Variants in ADCYAP1R1 observed in about 807,000 individuals in gnomAD.
ADCYAP1R1 encodes the protein pituitary adenylate cyclase-activating polypeptide type I receptor.
In ADCYAP1R1, 44 loss-of-function variants were observed where a neutral mutation model predicts 67.6. That is an observed-to-expected ratio of 0.65 (90% CI 0.51 to 0.84). The LOEUF (loss-of-function observed/expected upper bound fraction) is 0.84, where lower values mean the gene tolerates loss of function less well. ADCYAP1R1 is among the 40% of genes least tolerant of loss of function. ADCYAP1R1 has a pLI of 0.00. For synonymous variants in ADCYAP1R1, 222 were observed against 219.6 expected (o/e 1.01, Z -0.10); for missense variants, 477 against 587.9 (o/e 0.81, Z 1.95).
chr7:31,077,487 G>C (rs1795303158), intron 3 of ADCYAP1R1, among the ~76,000 whole-genome samples: 2 of 148,846 alleles, frequency 1.3e-5, no homozygotes, highest in Non-Finnish European at 3.0e-5. Context: ...TGTAGTGTGT[G>C]TGTGTGTAGT....
intron 13 of ADCYAP1R1, among the ~76,000 whole-genome samples, chr7:31,098,410 G>A (rs531594380): frequency 2.6e-5 from 4 of 152,258 alleles, no homozygotes; most frequent in South Asian, 4.1e-4. Context: ...TCCTAATGGC[G>A]CTTCTCAAGC....
chr7:31,085,227 T>G, intron 8 of ADCYAP1R1, 83 bp from the exon 9 acceptor site: 1 of 1,530,956 alleles, frequency 6.5e-7, no homozygotes, highest in Non-Finnish European at 8.8e-7. Context: ...AGCCACAGAG[T>G]TGGCCCACCA....
chr7:31,105,863 G>C (rs530519319), intron 15 of ADCYAP1R1, among the ~76,000 whole-genome samples: 3 of 152,344 alleles, frequency 2.0e-5, no homozygotes, highest in East Asian at 3.9e-4. Flanking sequence ...TGTGCAGTCT[G>C]TGCACTGCAC....
At chr7:31,065,448 G>A (rs1334393019) in intron 3 of ADCYAP1R1, among the ~76,000 whole-genome samples, 2 of 152,166 alleles carry the variant, frequency 1.3e-5, no homozygotes, top group Admixed American at 6.5e-5. Flanking sequence ...CTTTGAGGAG[G>A]GTCCTGCTTC....
chr7:31,087,100 C>A, intron 11 of ADCYAP1R1, 97 bp downstream of exon 11: 1 of 1,363,338 alleles, frequency 7.3e-7, no homozygotes. Context: ...CTGCCCGCAA[C>A]AAACCATTCA....
chr7:31,105,131 C>T (rs868062367), intron 15 of ADCYAP1R1, among the ~76,000 whole-genome samples: 26 of 152,252 alleles, frequency 1.7e-4, no homozygotes, highest in Admixed American at 2.6e-4. Flanking sequence ...ACTTTGCCAG[C>T]TGTGCAGCTA....
chr7:31,093,433 C>CT (rs1232008145), intron 13 of ADCYAP1R1, among the ~76,000 whole-genome samples: 1 of 152,210 alleles, frequency 6.6e-6, no homozygotes, highest in Admixed American at 6.5e-5. Flanking sequence ...AACAGCCTAT[C>CT]TTTGCCTGCC....
At chr7:31,083,449 A>G (rs770843994) in intron 6 of ADCYAP1R1, among the ~76,000 whole-genome samples, 1 of 152,228 alleles carries the variant, frequency 6.6e-6, no homozygotes, top group Admixed American at 6.5e-5. Context: ...CTTAAAGTCA[A>G]CCAAAAGCAA....
chr7:31,104,758 A>G (rs931917727), intron 14 of ADCYAP1R1, 110 bp from the exon 15 acceptor site: 2 of 1,254,600 alleles, frequency 1.6e-6, no homozygotes, highest in Non-Finnish European at 2.3e-6. Flanking sequence ...AGGTGCCCCC[A>G]TCCAGGTCAT....
At chr7:31,053,065 C>T (rs1232089004) in intron 1 of ADCYAP1R1, among the ~76,000 whole-genome samples, 2 of 151,586 alleles carry the variant, frequency 1.3e-5, no homozygotes, top group Non-Finnish European at 3.0e-5. Context: ...GAGGGACATG[C>T]CTCCCTACCC....
intron 3 of ADCYAP1R1, 34 bp downstream of exon 3, chr7:31,064,970 C>T (rs749298161): frequency 6.6e-7 from 1 of 1,512,200 alleles, no homozygotes; most frequent in Non-Finnish European, 9.1e-7. Context: ...GCCACGTCCC[C>T]AGTGCCAGCT....
chr7:31,062,242 GCAGC>G (rs1379162427), intron 1 of ADCYAP1R1, among the ~76,000 whole-genome samples: 4 of 152,158 alleles, frequency 2.6e-5, no homozygotes, highest in Non-Finnish European at 5.9e-5. Flanking sequence ...CTGGGCTCTT[GCAGC>G]CTCCTTTTTT....
chr7:31,090,470 G>A (rs944189316), intron 12 of ADCYAP1R1, among the ~76,000 whole-genome samples: 4 of 152,230 alleles, frequency 2.6e-5, no homozygotes, highest in Admixed American at 2.6e-4. Context: ...TTGTTACATA[G>A]GTATATCACA....
chr7:31,076,520 C>T (rs909989895), intron 3 of ADCYAP1R1, among the ~76,000 whole-genome samples: 2 of 152,184 alleles, frequency 1.3e-5, no homozygotes, highest in Non-Finnish European at 2.9e-5. Context: ...TCCAATGAGG[C>T]ACCAAATCTT....
At chr7:31,063,165 C>T (rs1794580648) in intron 1 of ADCYAP1R1, 29 bp from the exon 2 acceptor site, 13 of 1,473,074 alleles carry the variant, frequency 8.8e-6, no homozygotes, top group Non-Finnish European at 1.2e-5. Context: ...ACTGGGCTCA[C>T]AGGATTCACA....
At position 31,081,768 on chromosome 7, in the gene ADCYAP1R1, C is replaced by T. The variant is rs1795522481; in HGVS notation, c.328+14C>T. ...TAGATCTCTCAGGTAAGGGGTTAGG[C>T]TGGGGTTGACCATGGACTGGCTGGA... On this transcript the variant is annotated intron_variant, in intron 6 of 15. Transcript: ENST00000304166. The T allele has an allele frequency of 1.3e-6, 2 of 1,591,476 alleles. No individual in the cohort carries two copies. The highest frequency in any genetic ancestry group is 1.7e-5 in the Admixed American group (1 of 57,250).
chr7:31,068,452 G>A (rs76313880), intron 3 of ADCYAP1R1, among the ~76,000 whole-genome samples: 2,058 of 152,308 alleles, frequency 0.014, 41 homozygotes, highest in African/African-American at 0.042. Flanking sequence ...CAGAAGAGGA[G>A]TGAGGAGACG....
intron 3 of ADCYAP1R1, among the ~76,000 whole-genome samples, chr7:31,076,091 C>G (rs866003691): frequency 6.6e-6 from 1 of 152,204 alleles, no homozygotes; most frequent in Non-Finnish European, 1.5e-5. Context: ...GCTGTGGGCT[C>G]TACCCTCACA....
In ADCYAP1R1 at chr7:31,086,807, G is replaced by A; in HGVS notation, c.824-136G>A. ...ATATAGACCCTCAGGAGGCCTGGGT[G>A]TGAGGGACAGTTAGAATTCCCAGGA... On this transcript the variant is annotated intron_variant, in intron 10 of 15. Transcript: ENST00000304166. This position sits in a 1 kb window ranked among gnomAD's most constrained non-coding sequence, Gnocchi z 5.0. The A allele has an allele frequency of 7.8e-6, 8 of 1,020,148 alleles. No homozygotes were observed. Among genetic ancestry groups the A allele is most frequent in the South Asian group, 5.6e-5 (4 of 71,220 alleles). The allele number at this position is 1,020,148 out of a possible 1,614,324, so 63.2% of individuals were successfully genotyped here.
Sources: gnomAD v4.1 joint callset for allele counts (sites outside exome capture counted in the v4.1 genomes callset) on GRCh38, gnomAD v4.1.1 for gene constraint, Gnocchi (gnomAD v3.1) non-coding constraint, MANE v1.5 for transcripts, NCBI Gene and HGNC (gene_info 2026-07-23, HGNC 2026-07-21) for gene names.